GNAT1: variants seen among roughly 807,000 people sequenced by gnomAD.
The protein encoded by GNAT1 is guanine nucleotide-binding protein G(t) subunit alpha-1.
GNAT1 carries 36 observed loss-of-function variants against 40.0 expected under a neutral mutation model. The ratio of observed to expected loss-of-function variants is 0.90; its 90% CI spans 0.69 to 1.19. The LOEUF (loss-of-function observed/expected upper bound fraction) is 1.19. Among genes scored for constraint, GNAT1 ranks in the 50% most tolerant of loss-of-function variants. The pLI, the probability that GNAT1 is intolerant of heterozygous loss-of-function variation, is 0.00. For missense variants in GNAT1, 413 were observed against 480.6 expected (o/e 0.86, Z 1.32); for synonymous variants, 195 against 192.9 (o/e 1.01, Z -0.09).
At position 50,197,178 on chromosome 3, in the gene GNAT1, TTGCTATATG is replaced by T. The variant is rs550472031; in HGVS notation, c.*1914_*1922del. ...CTTGAAGCAAAGGGAAAACTATTTGTTGCTATATGTTTGTAGGGATTTTTTGCCAGTTTT... is the reference window on the plus strand; with the variant it reads ...CTTGAAGCAAAGGGAAAACTATTTGTTTTGTAGGGATTTTTTGCCAGTTTT... On this transcript the variant is annotated 3_prime_UTR_variant, in exon 9 of 9. Coordinates refer to ENST00000232461, the MANE Select transcript of GNAT1 (RefSeq NM_144499.3). Among the ~76,000 whole-genome samples, 176 of 152,312 alleles carry T rather than the reference TTGCTATATG, an allele frequency of 1.2e-3. No homozygotes were observed. Among genetic ancestry groups the T allele is most frequent in the South Asian group, 3.3e-3 (16 of 4,820 alleles).
In GNAT1 at chr3:50,191,841, T is replaced by A. The variant is rs1458228620; in HGVS notation, c.106+10T>A. On this transcript the variant is annotated intron_variant, in intron 1 of 8. Coordinates refer to ENST00000232461, the MANE Select transcript of GNAT1 (RefSeq NM_144499.3). The stretch of plus-strand genomic sequence containing the variant: ...AAGCTGCTGCTTCTGGGTAGGGGTG[T>A]GGGCCCAGGTGGGGCCACTGCCACC... 4 of 1,561,516 alleles carry A rather than the reference T, an allele frequency of 2.6e-6. No individual in the cohort carries two copies. In the Admixed American group the frequency reaches 6.7e-5, roughly 26 times the overall value.
rs745771623 is a variant in GNAT1, at chr3:50,194,147, G to A, written c.634G>A (p.Glu212Lys). The change falls in exon 6 of 9, where the codon GAG becomes AAG. Residue 212 changes from glutamate (E) to lysine (K), a missense_variant. By Grantham distance (56) the Glu-to-Lys change is moderately conservative. Coordinates refer to ENST00000232461, the MANE Select transcript of GNAT1 (RefSeq NM_144499.3). The surrounding 1 kb of genome is among the most constrained non-coding windows in gnomAD (Gnocchi z 6.1). ...GCGCAAGAAGTGGATCCACTGCTTC[G>A]AGGGCGTGACCTGCATCATCTTCAT... Reference protein sequence around the residue: ...SERKKWIHCFEGVTCIIFIAA... With the variant: ...SERKKWIHCFKGVTCIIFIAA... 1.2e-6 allele frequency: 2 copies of A among 1,614,012 alleles called. No homozygotes were observed. The highest frequency in any genetic ancestry group is 1.7e-5 in the Admixed American group (1 of 60,008).
chr3:50,191,610 A>G lies in GNAT1; in HGVS notation c.-116A>G. On this transcript the variant is annotated 5_prime_UTR_variant, in exon 1 of 9. Coordinates refer to ENST00000232461, the MANE Select transcript of GNAT1 (RefSeq NM_144499.3). ...GGATTGCACAGGTCCGTAGAGAGCC[A>G]GTTGATTGCAGGTCCTCCTGGGGCC... 1.3e-6 allele frequency: 1 copy of G among 764,562 alleles called. No homozygotes were observed. The highest frequency in any genetic ancestry group is 1.4e-5 in the South Asian group (1 of 69,638). The allele number at this position is 764,562 out of a possible 1,614,324, so 47.4% of individuals were successfully genotyped here.
In GNAT1 at chr3:50,197,290, ATGT is replaced by A. The variant is rs926845370; in HGVS notation, c.*2028_*2030del. The stretch of plus-strand genomic sequence containing the variant: ...TTTGGTGGTGTTAAGTACATTCATA[ATGT>A]TGTACAACCACCGCAACTGTTCATC... On this transcript the variant is annotated 3_prime_UTR_variant, in exon 9 of 9. Transcript: ENST00000232461. 2.6e-5 allele frequency among the ~76,000 whole-genome samples: 4 copies of A among 152,140 alleles called. No individual in the cohort carries two copies. The highest frequency in any genetic ancestry group is 9.7e-5 in the African/African-American group (4 of 41,428).
In GNAT1 at chr3:50,194,969, C is replaced by T. The variant is rs769640410; in HGVS notation, c.*1+13C>T. On this transcript the variant is annotated intron_variant, in intron 8 of 8. Coordinates refer to ENST00000232461, the MANE Select transcript of GNAT1 (RefSeq NM_144499.3). The surrounding 1 kb of genome is among the most constrained non-coding windows in gnomAD (Gnocchi z 6.1). ...GGCCTCTTCTGAGGTAGGTCGCTGC[C>T]CTCTCCAGGCTCTTGCCTCAATACC... is the stretch of plus-strand genomic sequence containing the variant. 1.9e-6 allele frequency: 3 copies of T among 1,594,874 alleles called. No homozygotes were observed. Among genetic ancestry groups the T allele is most frequent in the Non-Finnish European group, 1.7e-6 (2 of 1,166,568 alleles).
At position 50,194,160 on chromosome 3, in the gene GNAT1, G is replaced by A. The variant is rs1699465851; in HGVS notation, c.647G>A (p.Cys216Tyr). Reference sequence around the variant, plus strand: ...ATCCACTGCTTCGAGGGCGTGACCTGCATCATCTTCATCGCGGCGCTGAGC... The same window carrying A: ...ATCCACTGCTTCGAGGGCGTGACCTACATCATCTTCATCGCGGCGCTGAGC... The part of the protein sequence containing the change: ...KWIHCFEGVT[C>Y]IIFIAALSAY... The change falls in exon 6 of 9, where the codon TGC (cysteine) becomes TAC (tyrosine). Residue 216 changes from cysteine to tyrosine, a missense_variant. Physicochemically the swap from Cys to Tyr is radical, Grantham distance 194 (BLOSUM62 -2). Transcript: ENST00000232461. The surrounding 1 kb of genome is among the most constrained non-coding windows in gnomAD (Gnocchi z 6.1). 1.2e-6 allele frequency: 2 copies of A among 1,613,894 alleles called. No individual in the cohort carries two copies. The highest frequency in any genetic ancestry group is 1.7e-6 in the Non-Finnish European group (2 of 1,179,826).
Position 50,195,453 on chromosome 3 carries a change from C to T in GNAT1, c.*187C>T, listed in dbSNP as rs377626081. 16 of 196,510 alleles carry T rather than the reference C, an allele frequency of 8.1e-5. No individual in the cohort carries two copies. In the East Asian group the frequency reaches 8.7e-4, roughly 11 times the overall value. 12.2% of individuals were successfully genotyped at this position (196,510 alleles called of 1,614,324 possible). A position where few individuals can be genotyped will look rare whatever the true frequency, so the allele number is the denominator to read the frequency against. ...CCCCATACCTCCCACAGTATCCCAG[C>T]GCCTCATGCCCCCAACCCCAAGCCC... On this transcript the variant is annotated 3_prime_UTR_variant, in exon 9 of 9. Transcript: ENST00000232461.
Position 50,193,885 on chromosome 3 carries a change from C to T in GNAT1, c.578+4C>T, listed in dbSNP as rs1322496474. On this transcript the variant is annotated splice_donor_region_variant and intron_variant, in intron 5 of 8. Transcript: ENST00000232461. The surrounding 1 kb of genome is among the most constrained non-coding windows in gnomAD (Gnocchi z 8.1). ...CCTTCAAGGATCTCAACTTCCGGTA[C>T]GACCCATACGCTAGCCCAGGAGGTC... The T allele has an allele frequency of 6.2e-7, 1 of 1,613,298 alleles. No individual in the cohort carries two copies. The highest frequency in any genetic ancestry group is 8.5e-7 in the Non-Finnish European group (1 of 1,179,912).
At position 50,191,770 on chromosome 3, in the gene GNAT1, G is replaced by T; in HGVS notation, c.45G>T (p.Leu15=). The T allele has an allele frequency of 6.2e-7, 1 of 1,614,094 alleles. No homozygotes were observed. The highest frequency in any genetic ancestry group is 2.2e-5 in the East Asian group (1 of 44,888). Residue 15 remains leucine, a synonymous_variant, in exon 1 of 9, where the codon CTG becomes CTT. Transcript: ENST00000232461. The part of the protein sequence containing the change: ...ASAEEKHSRE[L]EKKLKEDAEK... Reference sequence around the variant, plus strand: ...CTGAGGAGAAGCACTCCAGGGAGCTGGAAAAGAAGCTGAAAGAGGACGCTG... The same window carrying T: ...CTGAGGAGAAGCACTCCAGGGAGCTTGAAAAGAAGCTGAAAGAGGACGCTG...
In GNAT1 at chr3:50,196,048, A is replaced by G. The variant is rs1252871144; in HGVS notation, c.*782A>G. The G allele has an allele frequency of 6.6e-6, 1 of 152,326 alleles. No individual in the cohort carries two copies. The highest frequency in any genetic ancestry group is 2.4e-5 in the African/African-American group (1 of 41,444). The allele number at this position is 152,326 out of a possible 1,614,324, so 9.4% of individuals were successfully genotyped here. On this transcript the variant is annotated 3_prime_UTR_variant, in exon 9 of 9. Transcript: ENST00000232461. Reference sequence around the variant, plus strand: ...TACCCTGGGCTGGTTGGACAACAGGATGGTGTGTTAAGGGGTTAAGGGAGG... The same window carrying G: ...TACCCTGGGCTGGTTGGACAACAGGGTGGTGTGTTAAGGGGTTAAGGGAGG...
chr3:50,193,848 A>G lies in GNAT1; in HGVS notation c.545A>G (p.Glu182Gly). The G allele has an allele frequency of 1.2e-6, 2 of 1,613,256 alleles. No individual in the cohort carries two copies. Among genetic ancestry groups the G allele is most frequent in the Non-Finnish European group, 1.7e-6 (2 of 1,179,930 alleles). ...CGAGTCAAGACCACTGGCATCATCGAGACGCAGTTCTCCTTCAAGGATCTC... is the reference window on the plus strand; with the variant it reads ...CGAGTCAAGACCACTGGCATCATCGGGACGCAGTTCTCCTTCAAGGATCTC... ...RSRVKTTGII[E>G]TQFSFKDLNF... The change falls in exon 5 of 9, where the codon GAG becomes GGG. Residue 182 changes from glutamate (E) to glycine (G), a missense_variant. Coordinates refer to ENST00000232461, the MANE Select transcript of GNAT1 (RefSeq NM_144499.3). The surrounding 1 kb of genome is among the most constrained non-coding windows in gnomAD (Gnocchi z 8.1).
Position 50,194,119 on chromosome 3 carries a change from G to C in GNAT1, c.606G>C (p.Ser202=), listed in dbSNP as rs756319463. 4 of 1,613,968 alleles carry C rather than the reference G, an allele frequency of 2.5e-6. No individual in the cohort carries two copies. The highest frequency in any genetic ancestry group is 3.4e-6 in the Non-Finnish European group (4 of 1,179,900). Reference sequence around the variant, plus strand: ...TGTTCGATGTGGGCGGGCAGCGCTCGGAGCGCAAGAAGTGGATCCACTGCT... The same window carrying C: ...TGTTCGATGTGGGCGGGCAGCGCTCCGAGCGCAAGAAGTGGATCCACTGCT... ...FRMFDVGGQR[S]ERKKWIHCFE... The change falls in exon 6 of 9, where the codon TCG becomes TCC. Residue 202 remains serine, a synonymous_variant. Coordinates refer to ENST00000232461, the MANE Select transcript of GNAT1 (RefSeq NM_144499.3). The surrounding 1 kb of genome is among the most constrained non-coding windows in gnomAD (Gnocchi z 6.1).
rs1239922623 is a variant in GNAT1, at chr3:50,194,267, T to G, written c.708+46T>G. On this transcript the variant is annotated intron_variant, in intron 6 of 8. Transcript: ENST00000232461. The surrounding 1 kb of genome is among the most constrained non-coding windows in gnomAD (Gnocchi z 6.1). ...GTGTTCCAGGGGGGCGAGGAGGAGC[T>G]GCTGGTCCCTGGAGGCGGAGACCGC... 1.3e-6 allele frequency: 2 copies of G among 1,565,356 alleles called. No individual in the cohort carries two copies. The highest frequency in any genetic ancestry group is 1.7e-6 in the Non-Finnish European group (2 of 1,153,800).
Position 50,193,194 on chromosome 3 carries a change from C to T in GNAT1, c.149+19C>T. The T allele has an allele frequency of 1.9e-6, 3 of 1,613,978 alleles. No individual in the cohort carries two copies. The highest frequency in any genetic ancestry group is 1.7e-6 in the Non-Finnish European group (2 of 1,179,864). On this transcript the variant is annotated intron_variant, in intron 2 of 8. Coordinates refer to ENST00000232461, the MANE Select transcript of GNAT1 (RefSeq NM_144499.3). This position sits in a 1 kb window ranked among gnomAD's most constrained non-coding sequence, Gnocchi z 8.1. ...AGATGAAGTGAGTGCCCCTGCCTGT[C>T]CCGAGGCCCCTGGGTCTGGGTCCTT...
intron 1 of GNAT1, chr3:50,192,825 TCA>T: frequency 5.5e-6 from 3 of 544,312 alleles, no homozygotes. Flanking sequence ...CATTGCAGTC[TCA>T]CAGCATAATA....
At chr3:50,195,026 C>T (rs1699481574) in intron 8 of GNAT1, 70 bp downstream of exon 8, 3 of 1,136,762 alleles carry the variant, frequency 2.6e-6, no homozygotes, top group Admixed American at 2.0e-5. Context: ...CCCCACACCA[C>T]GGCCCTGGAG....
rs1420257670 is a variant in GNAT1 at position 50,196,891 on chromosome 3, C to G, written c.*1625C>G. On this transcript the variant is annotated 3_prime_UTR_variant, in exon 9 of 9. Transcript: ENST00000232461. ...CAGGTGCCCAAAGCCAGTCGGAGGG[C>G]CTGGGCTTTCTCAGAAGGTGATGGA... 6.6e-6 allele frequency among the ~76,000 whole-genome samples: 1 copy of G among 152,014 alleles called. No individual in the cohort carries two copies.
Position 50,194,392 on chromosome 3 carries a change from C to T in GNAT1, c.709-109C>T. The T allele has an allele frequency of 7.1e-7, 1 of 1,406,470 alleles. No individual in the cohort carries two copies. The highest frequency in any genetic ancestry group is 9.7e-7 in the Non-Finnish European group (1 of 1,032,082). The allele number at this position is 1,406,470 out of a possible 1,614,324, so 87.1% of individuals were successfully genotyped here. ...GGCCCATCTGGGGCAGTGCGGGGAGCCCTCTGAGAGCCAGCTGAGCGGGAA... is the reference window on the plus strand; with the variant it reads ...GGCCCATCTGGGGCAGTGCGGGGAGTCCTCTGAGAGCCAGCTGAGCGGGAA... On this transcript the variant is annotated intron_variant, in intron 6 of 8. Transcript: ENST00000232461. This position sits in a 1 kb window ranked among gnomAD's most constrained non-coding sequence, Gnocchi z 6.1.
chr3:50,192,583 G>A (rs573627639), intron 1 of GNAT1: 1 of 191,038 alleles, frequency 5.2e-6, no homozygotes, highest in Non-Finnish European at 1.1e-5. Context: ...CCAAGGCAGA[G>A]AGGCTAAGCC....
Sources: allele counts gnomAD v4.1 joint callset (sites outside exome capture counted in the v4.1 genomes callset), GRCh38; gene constraint gnomAD v4.1.1; non-coding constraint Gnocchi (gnomAD v3.1); transcripts MANE v1.5; gene names NCBI Gene and HGNC (gene_info 2026-07-23, HGNC 2026-07-21).